Variants in AGAP3 observed in about 807,000 individuals in gnomAD.
The protein encoded by AGAP3 is ArfGAP with GTPase domain, ankyrin repeat and PH domain 3, also known as arf-GAP with GTPase, ANK repeat and PH domain-containing protein 3.
A neutral mutation model predicts 96.9 loss-of-function variants in AGAP3; 24 were observed. The ratio of observed to expected loss-of-function variants is 0.25; its 90% confidence interval spans 0.18 to 0.35. AGAP3 has a LOEUF of 0.35. Among genes scored for constraint, AGAP3 ranks in the 10% least tolerant of loss-of-function variants. The pLI, the probability that AGAP3 is intolerant of heterozygous loss-of-function variation, is 1.00. For synonymous variants in AGAP3, 563 were observed against 536.1 expected, an observed-to-expected ratio of 1.05 and a Z score of -0.69; for missense variants, 876 against 1,254.2, an observed-to-expected ratio of 0.70 and a Z score of 4.55.
intron 9 of AGAP3, among the ~76,000 whole-genome samples, chr7:151,127,967 C>T (rs1228377072): frequency 6.6e-6 from 1 of 152,218 alleles, no homozygotes; most frequent in Admixed American, 6.5e-5. Context: ...AGCCATCCAG[C>T]CTCTGCGTTC....
rs1660306983 is a variant in AGAP3 at position 151,140,689 on chromosome 7, A to G, written c.1804+573A>G. 4.6e-5 allele frequency: 7 copies of G among 152,212 alleles called. No homozygotes were observed. The allele number at this position is 152,212 out of a possible 1,614,324, so 9.4% of individuals were successfully genotyped here. Reference sequence around the variant, plus strand: ...AAATAAGTTTAACTTCTACAGACTCATAATTTCTCACTTCTGCTCTAATCA... The same window carrying G: ...AAATAAGTTTAACTTCTACAGACTCGTAATTTCTCACTTCTGCTCTAATCA... On this transcript the variant is annotated intron_variant, in intron 13 of 17. Coordinates refer to ENST00000397238, the MANE Select transcript of AGAP3 (RefSeq NM_031946.7). This position sits in a 1 kb window ranked among gnomAD's most constrained non-coding sequence, Gnocchi z 5.4.
At chr7:151,110,828 G>A (rs1330415228) in intron 1 of AGAP3, among the ~76,000 whole-genome samples, 1 of 152,166 alleles carries the variant, frequency 6.6e-6, no homozygotes, top group African/African-American at 2.4e-5. Context: ...GGAATGGAGG[G>A]TGTTACTAGC....
Position 151,143,797 on chromosome 7 carries a change from C to G in AGAP3, c.2590C>G (p.Arg864Gly). The G allele has an allele frequency of 6.2e-7, 1 of 1,614,104 alleles. No homozygotes were observed. The highest frequency in any genetic ancestry group is 8.5e-7 in the Non-Finnish European group (1 of 1,180,048). The change falls in exon 18 of 18, where the codon CGG (arginine) becomes GGG (glycine). Residue 864 changes from arginine to glycine, a missense_variant. Physicochemically the swap from Arg to Gly is moderately radical, Grantham distance 125 (BLOSUM62 -2). Coordinates refer to ENST00000397238, the MANE Select transcript of AGAP3 (RefSeq NM_031946.7). The surrounding 1 kb of genome is among the most constrained non-coding windows in gnomAD (Gnocchi z 5.9). Reference sequence around the variant, plus strand: ...CCTGACTCCACTGGCATATGCTCGCCGGGCCGGCAGCCAGGAGTGTGCAGA... The same window carrying G: ...CCTGACTCCACTGGCATATGCTCGCGGGGCCGGCAGCCAGGAGTGTGCAGA... ...RGLTPLAYAR[R>G]AGSQECADIL...
intron 9 of AGAP3, among the ~76,000 whole-genome samples, chr7:151,128,080 G>A (rs1800251453): frequency 6.6e-6 from 1 of 152,168 alleles, no homozygotes; most frequent in Non-Finnish European, 1.5e-5. Flanking sequence ...GGGACAATTA[G>A]GGGATTTTCT....
At chr7:151,098,127 G>A (rs541691102) in intron 1 of AGAP3, among the ~76,000 whole-genome samples, 2 of 152,178 alleles carry the variant, frequency 1.3e-5, no homozygotes, top group Non-Finnish European at 2.9e-5. Context: ...GGGAGGCCGA[G>A]GCAGGCAGAT....
Position 151,139,912 on chromosome 7 carries a change from G to A in AGAP3, c.1667-67G>A. 1.4e-6 allele frequency: 2 copies of A among 1,390,090 alleles called. No homozygotes were observed. The highest frequency in any genetic ancestry group is 1.6e-5 in the South Asian group (1 of 61,070). 86.1% of individuals were successfully genotyped at this position (1,390,090 alleles called of 1,614,324 possible). On this transcript the variant is annotated intron_variant, in intron 12 of 17. Coordinates refer to ENST00000397238, the MANE Select transcript of AGAP3 (RefSeq NM_031946.7). This position sits in a 1 kb window ranked among gnomAD's most constrained non-coding sequence, Gnocchi z 4.9. ...CAGGACTGGTCCTCTCCTCCTCCCA[G>A]TGCCCTGCGCCCCTCCCCTCCTCTG...
Position 151,138,166 on chromosome 7 carries a change from G to A in AGAP3, c.1519G>A (p.Ala507Thr), listed in dbSNP as rs376845402. ...GTGAPHSASSASLHSERPLSS... is the reference protein window; with the variant it reads ...GTGAPHSASSTSLHSERPLSS... ...AGGTGCCCCCCACTCGGCCAGCAGC[G>A]CATCCCTGCACTCTGAGCGCCCCCT... Residue 507 changes from alanine to threonine, a missense_variant, in exon 12 of 18, where the codon GCA becomes ACA. Physicochemically the swap from Ala to Thr is moderately conservative, Grantham distance 58. Around this residue, in one of 8 missense-constraint regions of AGAP3, gnomAD observed 155 missense variants for 144.4 expected, o/e 1.07. Transcript: ENST00000397238. 2.1e-5 allele frequency: 34 copies of A among 1,605,092 alleles called. No homozygotes were observed. Among genetic ancestry groups the A allele is most frequent in the Middle Eastern group, 3.3e-4 (2 of 6,050 alleles).
chr7:151,119,445 T>C (rs1158577419), intron 7 of AGAP3, among the ~76,000 whole-genome samples: 1 of 152,240 alleles, frequency 6.6e-6, no homozygotes, highest in Non-Finnish European at 1.5e-5. Context: ...CACCTTACTC[T>C]GATTGGGAGT....
chr7:151,115,938 C>T (rs953178719), intron 1 of AGAP3, among the ~76,000 whole-genome samples: 3 of 152,158 alleles, frequency 2.0e-5, no homozygotes, highest in Admixed American at 1.3e-4. Context: ...CGCTCGCCTC[C>T]GGTTGCCCCT....
chr7:151,117,330 C>T lies in AGAP3; in HGVS notation c.479-41C>T, dbSNP rs774821074. 6.2e-6 allele frequency: 10 copies of T among 1,612,478 alleles called. No individual in the cohort carries two copies. The African/African-American group carries it at 9.3e-5, about 15-fold the overall frequency. ...TAGATTTCTTCTTGGCCCCTGGATT[C>T]TTTCTCCACACTTTGGACCTGACTG... On this transcript the variant is annotated intron_variant, in intron 3 of 17. Coordinates refer to ENST00000397238, the MANE Select transcript of AGAP3 (RefSeq NM_031946.7).
rs531352227 is a variant in AGAP3, at chr7:151,108,695, C to T, written c.332-8098C>T. Among the ~76,000 whole-genome samples the T allele has an allele frequency of 2.8e-4, 42 of 152,340 alleles. No homozygotes were observed. Among genetic ancestry groups the T allele is most frequent in the Non-Finnish European group, 5.6e-4 (38 of 68,032 alleles). On this transcript the variant is annotated intron_variant, in intron 1 of 17. Coordinates refer to ENST00000397238, the MANE Select transcript of AGAP3 (RefSeq NM_031946.7). This position sits in a 1 kb window ranked among gnomAD's most constrained non-coding sequence, Gnocchi z 4.2. ...GCTTGCCCTGAATGCACTTAGTAAG[C>T]ACTCAAAAAATAATGTGAAATGATG... is the stretch of plus-strand genomic sequence containing the variant.
rs145934999 is a variant in AGAP3 at position 151,090,804 on chromosome 7, C to T, written c.331+3732C>T. ...CTAAAAATACGAAAAATTAGCCGGG[C>T]GTGGTGGCGGGCACCTGTAGTCCCA... On this transcript the variant is annotated intron_variant, in intron 1 of 17. Coordinates refer to ENST00000397238, the MANE Select transcript of AGAP3 (RefSeq NM_031946.7). Among the ~76,000 whole-genome samples, 936 of 152,186 alleles carry T rather than the reference C, an allele frequency of 6.2e-3. 10 individuals carry two copies. The highest frequency in any genetic ancestry group is 0.021 in the African/African-American group (888 of 41,502).
At position 151,119,981 on chromosome 7, in the gene AGAP3, C is replaced by T. The variant is rs779009987; in HGVS notation, c.970-6C>T. On this transcript the variant is annotated splice_region_variant and splice_polypyrimidine_tract_variant and intron_variant, in intron 7 of 17. Coordinates refer to ENST00000397238, the MANE Select transcript of AGAP3 (RefSeq NM_031946.7). ...AGCTGCCCTCAGCAGCCCTCTTTGT[C>T]CTTAGGCCACGAATGGCGGCGGCAG... 4 of 1,613,510 alleles carry T rather than the reference C, an allele frequency of 2.5e-6. No homozygotes were observed. The highest frequency in any genetic ancestry group is 2.2e-5 in the South Asian group (2 of 91,066).
intron 1 of AGAP3, among the ~76,000 whole-genome samples, chr7:151,095,297 C>T (rs963614288): frequency 4.6e-5 from 7 of 152,248 alleles, no homozygotes; most frequent in Non-Finnish European, 8.8e-5. Context: ...ACAGTGCCAT[C>T]CTCTGGGCCA....
rs914038843 is a variant in AGAP3 at position 151,096,959 on chromosome 7, A to AT, written c.331+9893dup. On this transcript the variant is annotated intron_variant, in intron 1 of 17. Coordinates refer to ENST00000397238, the MANE Select transcript of AGAP3 (RefSeq NM_031946.7). This position sits in a 1 kb window ranked among gnomAD's most constrained non-coding sequence, Gnocchi z 4.4. ...GCCACCATGTCTGGCTAATTTTTGT[A>AT]TTTTTTGTAGAGACGGGGTTTTACC... Among the ~76,000 whole-genome samples the AT allele has an allele frequency of 5.9e-5, 9 of 151,336 alleles. No homozygotes were observed. The highest frequency in any genetic ancestry group is 2.2e-4 in the African/African-American group (9 of 41,226).
rs1447571102 is a variant in AGAP3 at position 151,139,560 on chromosome 7, C to G, written c.1667-419C>G. On this transcript the variant is annotated intron_variant, in intron 12 of 17. Transcript: ENST00000397238. The surrounding 1 kb of genome is among the most constrained non-coding windows in gnomAD (Gnocchi z 4.9). ...GGAGACGGAGCTTGATTAGCGCGCTCTAATTGACAGTAATTAGGCAGCTCC... is the reference window on the plus strand; with the variant it reads ...GGAGACGGAGCTTGATTAGCGCGCTGTAATTGACAGTAATTAGGCAGCTCC... 1.9e-5 allele frequency: 3 copies of G among 155,822 alleles called. No individual in the cohort carries two copies. The highest frequency in any genetic ancestry group is 6.5e-5 in the Admixed American group (1 of 15,356). 9.7% of individuals were successfully genotyped at this position (155,822 alleles called of 1,614,324 possible).
At chr7:151,120,984 TG>T (rs1339946893) in intron 8 of AGAP3, 2 of 455,752 alleles carry the variant, frequency 4.4e-6, no homozygotes, top group Admixed American at 5.8e-5. Context: ...AACCCCCGTG[TG>T]GGTTGTCACG....
At chr7:151,132,446 G>A (rs149674917) in intron 10 of AGAP3, among the ~76,000 whole-genome samples, 438 of 152,360 alleles carry the variant, frequency 2.9e-3, no homozygotes, top group African/African-American at 0.01. Flanking sequence ...GGGCTGCCAG[G>A]AGCAGCAGTG....
At chr7:151,088,248 AC>A (rs1798239597) in intron 1 of AGAP3, among the ~76,000 whole-genome samples, 1 of 151,770 alleles carries the variant, frequency 6.6e-6, no homozygotes, top group Non-Finnish European at 1.5e-5. Flanking sequence ...GTCTGGGGGG[AC>A]CCCATGTGGT....
Sources: allele counts gnomAD v4.1 joint callset (sites outside exome capture counted in the v4.1 genomes callset), GRCh38; gene constraint gnomAD v4.1.1; regional missense constraint gnomAD v4.1.1; non-coding constraint Gnocchi (gnomAD v3.1); transcripts MANE v1.5; gene names NCBI Gene and HGNC (gene_info 2026-07-23, HGNC 2026-07-21).